Variants in SIMC1 observed in about 807,000 individuals in gnomAD.
SIMC1 encodes the protein SUMO-interacting motif-containing protein 1.
In SIMC1, 55 loss-of-function variants were observed where a neutral mutation model predicts 82.3. The observed-to-expected ratio is 0.67, with a 90% CI of 0.54 to 0.84. The LOEUF (loss-of-function observed/expected upper bound fraction) is 0.84, where lower values mean the gene tolerates loss of function less well. Among genes scored for constraint, SIMC1 ranks in the 40% least tolerant of loss-of-function variants. The pLI is 0.00. For synonymous variants in SIMC1, 353 were observed against 426.3 expected (o/e 0.83, Z 2.12); for missense variants, 915 against 1,107.2 (o/e 0.83, Z 2.46).
intron 9 of SIMC1, among the ~76,000 whole-genome samples, chr5:176,344,503 A>C (rs1292474514): frequency 4.3e-5 from 6 of 138,302 alleles, no homozygotes; most frequent in African/African-American, 1.4e-4. Context: ...ACACACACAC[A>C]CACCTGAGAC....
intron 1 of SIMC1, among the ~76,000 whole-genome samples, chr5:176,252,424 AG>A (rs966143010): frequency 7.7e-6 from 1 of 130,142 alleles, no homozygotes; most frequent in African/African-American, 3.0e-5. Flanking sequence ...CTTCTCAGAC[AG>A]GGCGGCCGGG....
At chr5:176,288,192 G>C (rs75748728) in intron 1 of SIMC1, among the ~76,000 whole-genome samples, 1 of 152,210 alleles carries the variant, frequency 6.6e-6, no homozygotes, top group Non-Finnish European at 1.5e-5. Context: ...GGAATCACCT[G>C]AGGTCAGGAG....
intron 7 of SIMC1, among the ~76,000 whole-genome samples, chr5:176,329,644 A>G (rs1011514418): frequency 2.0e-5 from 3 of 152,190 alleles, no homozygotes; most frequent in African/African-American, 4.8e-5. Context: ...TTAAAACACA[A>G]TATTTGGACT....
intron 1 of SIMC1, among the ~76,000 whole-genome samples, chr5:176,285,167 G>T (rs201241390): frequency 1.3e-5 from 2 of 151,472 alleles, no homozygotes; most frequent in Non-Finnish European, 2.9e-5. Flanking sequence ...TACCAAAGCC[G>T]GGCAGAGACA....
chr5:176,268,399 G>A, intron 1 of SIMC1, among the ~76,000 whole-genome samples: 1 of 122,100 alleles, frequency 8.2e-6, no homozygotes, highest in Non-Finnish European at 1.7e-5. Flanking sequence ...AACCAAGTAT[G>A]TGCTATCTAT....
chr5:176,332,537 G>A (rs1428459944), intron 7 of SIMC1, among the ~76,000 whole-genome samples: 2 of 152,068 alleles, frequency 1.3e-5, no homozygotes, highest in East Asian at 1.9e-4. Flanking sequence ...TTATCCACCC[G>A]CCTCAGCCTC....
intron 1 of SIMC1, among the ~76,000 whole-genome samples, chr5:176,272,787 A>G (rs763027721): frequency 5.9e-5 from 9 of 152,214 alleles, no homozygotes; most frequent in Non-Finnish European, 1.0e-4. Context: ...AGCAGATTAT[A>G]TCCTGCGCCT....
intron 1 of SIMC1, among the ~76,000 whole-genome samples, chr5:176,259,791 A>G (rs1164121231): frequency 6.6e-6 from 1 of 151,418 alleles, no homozygotes; most frequent in African/African-American, 2.4e-5. Context: ...TAATAATCAT[A>G]AACTGTAAAT....
intron 4 of SIMC1, among the ~76,000 whole-genome samples, chr5:176,298,559 A>T (rs2113290823): frequency 6.6e-6 from 1 of 152,338 alleles, no homozygotes; most frequent in African/African-American, 2.4e-5. Context: ...CAGAAGGTGG[A>T]GGTTGCAGTG....
chr5:176,345,218 T>A lies in SIMC1; in HGVS notation c.2449T>A (p.Leu817Ile). ...LRSSVIDRKD[L>I]IIKRIKPKPQ... ...GAGTTCCGTGATCGACCGAAAGGAC[T>A]TAATAATCAAAAGGATTAAGCCCAA... The change falls in exon 10 of 10, where the codon TTA becomes ATA. Residue 817 changes from leucine (L) to isoleucine (I), a missense_variant. This residue lies in a region of SIMC1 where 902 missense variants were observed against 1,040.3 expected (regional missense o/e 0.87). Coordinates refer to ENST00000429602, the MANE Select transcript of SIMC1 (RefSeq NM_001308195.2). The A allele has an allele frequency of 6.2e-7, 1 of 1,613,952 alleles. No homozygotes were observed. The highest frequency in any genetic ancestry group is 8.5e-7 in the Non-Finnish European group (1 of 1,179,872).
In SIMC1 at chr5:176,337,027, G is replaced by T. The variant is rs749160583; in HGVS notation, c.2329-35G>T. ...TGTACAAAAATTTTAACTGGGGAAGGCATTTATTATCAATCCATTTTACTA... is the reference window on the plus strand; with the variant it reads ...TGTACAAAAATTTTAACTGGGGAAGTCATTTATTATCAATCCATTTTACTA... On this transcript the variant is annotated intron_variant, in intron 8 of 9. Transcript: ENST00000429602. The T allele has an allele frequency of 4.4e-6, 7 of 1,608,074 alleles. No homozygotes were observed. In the African/African-American group the frequency reaches 8.0e-5, roughly 18 times the overall value.
intron 1 of SIMC1, among the ~76,000 whole-genome samples, chr5:176,271,597 G>A (rs1352637492): frequency 1.3e-5 from 2 of 151,760 alleles, no homozygotes; most frequent in Non-Finnish European, 2.9e-5. Context: ...GGTTGGGAGA[G>A]AATGGATGGT....
chr5:176,306,274 G>A (rs557113858), intron 4 of SIMC1, among the ~76,000 whole-genome samples: 5,679 of 113,956 alleles, frequency 0.05, 240 homozygotes, highest in Non-Finnish European at 0.081. Flanking sequence ...CAGCCGCCCC[G>A]TCCGGGAGGG....
chr5:176,265,643 C>A (rs1762178518), intron 1 of SIMC1, among the ~76,000 whole-genome samples: 1 of 152,020 alleles, frequency 6.6e-6, no homozygotes, highest in Non-Finnish European at 1.5e-5. Flanking sequence ...TCTGCAGATG[C>A]CAAATATCGG....
chr5:176,257,058 G>A (rs7711147), intron 1 of SIMC1, among the ~76,000 whole-genome samples: 88,909 of 151,812 alleles, frequency 0.59, 26,103 homozygotes, highest in Middle Eastern at 0.63. Context: ...CACCTGGCCC[G>A]TAACATATTT....
intron 1 of SIMC1, among the ~76,000 whole-genome samples, chr5:176,279,431 G>T (rs1306757334): frequency 6.6e-6 from 1 of 152,044 alleles, no homozygotes; most frequent in African/African-American, 2.4e-5. Flanking sequence ...CCAGCTTCTG[G>T]ATTCATTAAT....
At chr5:176,303,845 A>G (rs1248685609) in intron 4 of SIMC1, among the ~76,000 whole-genome samples, 4 of 152,166 alleles carry the variant, frequency 2.6e-5, no homozygotes, top group Admixed American at 2.0e-4. Context: ...TCATAGGAAA[A>G]AGTGGATATC....
At position 176,295,260 on chromosome 5, in the gene SIMC1, A is replaced by G. The variant is rs760850157; in HGVS notation, c.1662A>G (p.Gln554=). The change falls in exon 3 of 10, where the codon CAA becomes CAG. Residue 554 remains glutamine (Q), a splice_region_variant and synonymous_variant. Coordinates refer to ENST00000429602, the MANE Select transcript of SIMC1 (RefSeq NM_001308195.2). Reference sequence around the variant, plus strand: ...CCTACATGCTTCTCATGAAAATTCAACAGTATGAACCGTAACCTCTGGCTG... The same window carrying G: ...CCTACATGCTTCTCATGAAAATTCAGCAGTATGAACCGTAACCTCTGGCTG... ...KEAYMLLMKI[Q]QLHPANAKTV... is the part of the protein sequence containing the mutation. 6.2e-6 allele frequency: 10 copies of G among 1,611,686 alleles called. No individual in the cohort carries two copies. The highest frequency in any genetic ancestry group is 1.7e-5 in the Admixed American group (1 of 59,520).
Position 176,345,304 on chromosome 5 carries a change from C to T in SIMC1, c.2535C>T (p.Arg845=). The part of the protein sequence containing the change: ...VDVEKQIEAF[R]SRLIQMLGEP... The stretch of plus-strand genomic sequence containing the variant: ...TAGAGAAGCAGATTGAGGCCTTCCG[C>T]AGCCGCCTGATCCAGATGCTGGGGG... The change falls in exon 10 of 10, where the codon CGC becomes CGT. Residue 845 remains arginine (R), a synonymous_variant. Coordinates refer to ENST00000429602, the MANE Select transcript of SIMC1 (RefSeq NM_001308195.2). 6.2e-7 allele frequency: 1 copy of T among 1,614,004 alleles called. No homozygotes were observed. The highest frequency in any genetic ancestry group is 8.5e-7 in the Non-Finnish European group (1 of 1,179,902).
Sources: allele counts gnomAD v4.1 joint callset (sites outside exome capture counted in the v4.1 genomes callset), GRCh38; gene constraint gnomAD v4.1.1; regional missense constraint gnomAD v4.1.1; transcripts MANE v1.5; gene names NCBI Gene and HGNC (gene_info 2026-07-23, HGNC 2026-07-21).